Variants in PDE4D observed in about 807,000 individuals in gnomAD.
PDE4D encodes 3',5'-cyclic-AMP phosphodiesterase 4D.
In PDE4D, 24 loss-of-function variants were observed where a neutral mutation model predicts 87.4. That is an observed-to-expected ratio of 0.27 (90% CI 0.20 to 0.39). The LOEUF (loss-of-function observed/expected upper bound fraction) is 0.39, where lower values mean the gene tolerates loss of function less well. Among genes scored for constraint, PDE4D ranks in the 10% least tolerant of loss-of-function variants. The pLI is 1.00. For synonymous variants in PDE4D, 384 were observed against 383.2 expected, an observed-to-expected ratio of 1.00 and a Z score of -0.02; for missense variants, 714 against 1,041.0, an observed-to-expected ratio of 0.69 and a Z score of 4.32.
intron 1 of PDE4D, among the ~76,000 whole-genome samples, chr5:59,308,486 A>C (rs1425770566): frequency 1.3e-5 from 2 of 152,062 alleles, no homozygotes; most frequent in Non-Finnish European, 2.9e-5. Context: ...TCCTTCATAT[A>C]TGATGCTTAA....
intron 1 of PDE4D, among the ~76,000 whole-genome samples, chr5:59,808,711 C>T (rs1768010655): frequency 6.6e-6 from 1 of 152,066 alleles, no homozygotes; most frequent in Non-Finnish European, 1.5e-5. Flanking sequence ...TTTGGCCATT[C>T]CTTTAGTATT....
chr5:59,770,621 G>A (rs969809237), intron 1 of PDE4D, among the ~76,000 whole-genome samples: 1 of 152,012 alleles, frequency 6.6e-6, no homozygotes. Flanking sequence ...AAAATTAAAG[G>A]CTCAGCAGTC....
At chr5:60,049,396 C>T (rs982533135) in intron 2 of PDE4D, among the ~76,000 whole-genome samples, 1 of 152,234 alleles carries the variant, frequency 6.6e-6, no homozygotes, top group African/African-American at 2.4e-5. Context: ...CAGCTCTGTT[C>T]CGTTGCTGGT....
chr5:60,083,943 T>A (rs913764533), intron 2 of PDE4D, among the ~76,000 whole-genome samples: 1 of 152,230 alleles, frequency 6.6e-6, no homozygotes, highest in African/African-American at 2.4e-5. Flanking sequence ...TTTTAACCTT[T>A]TGGCTTATTA....
chr5:60,407,598 G>A (rs1407781498), intron 1 of PDE4D, among the ~76,000 whole-genome samples: 1 of 150,882 alleles, frequency 6.6e-6, no homozygotes, highest in Admixed American at 6.6e-5. Context: ...GACTGCAGGC[G>A]CACGGCACCA....
intron 3 of PDE4D, among the ~76,000 whole-genome samples, chr5:59,918,540 G>A (rs1045180542): frequency 7.2e-5 from 11 of 152,198 alleles, no homozygotes; most frequent in African/African-American, 2.6e-4. Context: ...TCACTCTTAT[G>A]CTTATGCTAT....
chr5:60,105,303 G>C (rs983761470), intron 2 of PDE4D, among the ~76,000 whole-genome samples: 2 of 152,112 alleles, frequency 1.3e-5, no homozygotes, highest in Non-Finnish European at 2.9e-5. Context: ...GAGAAGGGAA[G>C]TTTAGAGAAA....
At chr5:59,354,514 G>GTA (rs1339807703) in intron 1 of PDE4D, among the ~76,000 whole-genome samples, 1 of 152,076 alleles carries the variant, frequency 6.6e-6, no homozygotes, top group Non-Finnish European at 1.5e-5. Flanking sequence ...ATATGTGTCT[G>GTA]TATATATATA....
intron 1 of PDE4D, among the ~76,000 whole-genome samples, chr5:59,857,439 A>G (rs1008800756): frequency 2.6e-5 from 4 of 152,112 alleles, no homozygotes; most frequent in African/African-American, 4.8e-5. Flanking sequence ...AGACTCTTAT[A>G]TTTTCAAAAT....
chr5:59,305,805 A>C (rs1363583832), intron 1 of PDE4D, among the ~76,000 whole-genome samples: 1 of 152,120 alleles, frequency 6.6e-6, no homozygotes, highest in African/African-American at 2.4e-5. Context: ...ACTAAGGCTC[A>C]TTTTATGGCC....
At chr5:59,767,086 T>C (rs1762890508) in intron 1 of PDE4D, among the ~76,000 whole-genome samples, 1 of 152,202 alleles carries the variant, frequency 6.6e-6, no homozygotes, top group Non-Finnish European at 1.5e-5. Context: ...CACGGTCTTG[T>C]CACTGGTTTA....
intron 1 of PDE4D, chr5:60,460,166 TTGAACATTTCATCAAATCCTTTCCAGA>T (rs1278454744): frequency 5.7e-5 from 91 of 1,588,528 alleles, no homozygotes; most frequent in Non-Finnish European, 7.0e-5. Flanking sequence ...TGCATTTGAC[TTGAACATTTCATCAAATCCTTTCCAGA>T]TGAACATTTC....
At chr5:60,176,585 T>C (rs1783915537) in intron 2 of PDE4D, among the ~76,000 whole-genome samples, 1 of 152,176 alleles carries the variant, frequency 6.6e-6, no homozygotes, top group African/African-American at 2.4e-5. Context: ...TCCATGTCTT[T>C]AAATATTTTT....
intron 1 of PDE4D, among the ~76,000 whole-genome samples, chr5:59,667,948 TG>T (rs770728666): frequency 2.0e-5 from 3 of 152,246 alleles, no homozygotes; most frequent in Non-Finnish European, 4.4e-5. Context: ...CCATACTTCC[TG>T]TTTTTTTGCC....
intron 1 of PDE4D, among the ~76,000 whole-genome samples, chr5:60,306,792 A>G (rs1754536504): frequency 6.6e-6 from 1 of 152,110 alleles, no homozygotes; most frequent in Non-Finnish European, 1.5e-5. Context: ...CCAGAAAGAA[A>G]TCGAAACCGG....
intron 1 of PDE4D, among the ~76,000 whole-genome samples, chr5:59,661,231 A>T: frequency 6.6e-6 from 1 of 152,094 alleles, no homozygotes; most frequent in Non-Finnish European, 1.5e-5. Flanking sequence ...ATCAACAGAT[A>T]AAAGGAATTC....
At chr5:60,409,602 A>G (rs1177607481) in intron 1 of PDE4D, among the ~76,000 whole-genome samples, 3 of 152,202 alleles carry the variant, frequency 2.0e-5, no homozygotes, top group Non-Finnish European at 2.9e-5. Context: ...AATATTTTGG[A>G]AAACATCACT....
intron 1 of PDE4D, among the ~76,000 whole-genome samples, chr5:59,689,583 A>G (rs2150397244): frequency 6.6e-6 from 1 of 152,252 alleles, no homozygotes; most frequent in East Asian, 1.9e-4. Context: ...AAATAATAAG[A>G]GCTATTTATG....
At position 58,988,577 on chromosome 5, in the gene PDE4D, A is replaced by T. The variant is rs1348357236; in HGVS notation, c.1468T>A (p.Leu490Met). 2 of 1,492,148 alleles carry T rather than the reference A, an allele frequency of 1.3e-6. No homozygotes were observed. Among genetic ancestry groups the T allele is most frequent in the South Asian group, 2.7e-5 (2 of 73,734 alleles). 92.4% of individuals were successfully genotyped at this position (1,492,148 alleles called of 1,614,324 possible). Reference sequence around the variant, plus strand: ...GCAAAAATTGCTGCAAGAATCTCCAAATCTGTAAACACAGCCTGGAAAATC... The same window carrying T: ...GCAAAAATTGCTGCAAGAATCTCCATATCTGTAAACACAGCCTGGAAAATC... ...TPALEAVFTDLEILAAIFASA... is the reference protein window; with the variant it reads ...TPALEAVFTDMEILAAIFASA... Residue 490 changes from leucine to methionine, a missense_variant, in exon 11 of 15, where the codon TTG (leucine) becomes ATG (methionine). Leu to Met is a conservative substitution (Grantham distance 15). Transcript: ENST00000340635.
Sources: allele counts gnomAD v4.1 joint callset (sites outside exome capture counted in the v4.1 genomes callset), GRCh38; gene constraint gnomAD v4.1.1; transcripts MANE v1.5; gene names NCBI Gene and HGNC (gene_info 2026-07-23, HGNC 2026-07-21).